The following VPS35L variants were observed in gnomAD, a reference collection of about 807,000 sequenced individuals.
The protein encoded by VPS35L is VPS35 endosomal protein-sorting factor-like.
Under a neutral mutation model 133.0 loss-of-function variants are expected in VPS35L, and 83 were observed. The observed-to-expected ratio is 0.62, with a 90% confidence interval of 0.52 to 0.75. VPS35L has a LOEUF of 0.75. VPS35L is among the 30% of genes least tolerant of loss of function. The probability of loss-of-function intolerance (pLI) is 0.00; values close to 1 mark genes in which losing one functional copy is unlikely to be tolerated. For missense variants in VPS35L, 1,083 were observed against 1,206.8 expected (o/e 0.90, Z 1.52); for synonymous variants, 423 against 449.9 (o/e 0.94, Z 0.76).
chr16:19,682,731 G>A (rs1975331945), intron 28 of VPS35L, among the ~76,000 whole-genome samples: 1 of 152,110 alleles, frequency 6.6e-6, no homozygotes, highest in Non-Finnish European at 1.5e-5. Flanking sequence ...GCCTGATGGT[G>A]CACCCCTGTA....
At chr16:19,661,753 G>C (rs2151597080) in intron 26 of VPS35L, among the ~76,000 whole-genome samples, 1 of 152,206 alleles carries the variant, frequency 6.6e-6, no homozygotes, top group Non-Finnish European at 1.5e-5. Flanking sequence ...CCTCAGCTTG[G>C]TGCTGTGCCT....
chr16:19,623,491 G>A (rs1481150231), intron 14 of VPS35L, among the ~76,000 whole-genome samples: 1 of 152,074 alleles, frequency 6.6e-6, no homozygotes, highest in African/African-American at 2.4e-5. Context: ...CTCCAACATA[G>A]CAATTTAGGG....
intron 18 of VPS35L, among the ~76,000 whole-genome samples, chr16:19,630,360 G>A (rs893931581): frequency 2.7e-4 from 36 of 135,762 alleles, no homozygotes; most frequent in Non-Finnish European, 4.5e-4. Flanking sequence ...TTGAGATGGA[G>A]TCTCGCTCTG....
rs1049801389 is a variant in VPS35L at position 19,579,293 on chromosome 16, T to C, written c.510+165T>C. ...TCCAGGGAAGGGTGCCAGTGTGCAG[T>C]TGGCCGAGCTCACGGAAGCCTGACT... On this transcript the variant is annotated intron_variant, in intron 6 of 30. Transcript: ENST00000417362. 18 of 614,556 alleles carry C rather than the reference T, an allele frequency of 2.9e-5. No homozygotes were observed. In the African/African-American group the frequency reaches 3.1e-4, roughly 11 times the overall value. The allele number at this position is 614,556 out of a possible 1,614,324, so 38.1% of individuals were successfully genotyped here.
chr16:19,679,508 TTTATTTA>T (rs1567481521), intron 27 of VPS35L, among the ~76,000 whole-genome samples: 1 of 121,698 alleles, frequency 8.2e-6, no homozygotes, highest in Non-Finnish European at 1.6e-5. Context: ...TATTTATTTA[TTTATTTA>T]TTTTTTTGGA....
intron 9 of VPS35L, among the ~76,000 whole-genome samples, chr16:19,604,271 A>G (rs1972477712): frequency 6.6e-6 from 1 of 152,068 alleles, no homozygotes; most frequent in South Asian, 2.1e-4. Context: ...ATTTGCCTCT[A>G]CTGCAATAAT....
chr16:19,666,154 C>A (rs1368093198), intron 26 of VPS35L, among the ~76,000 whole-genome samples: 1 of 151,816 alleles, frequency 6.6e-6, no homozygotes, highest in African/African-American at 2.4e-5. Context: ...TTGATTGTTT[C>A]CTTTGCTGTG....
chr16:19,658,444 C>T (rs979671851), intron 26 of VPS35L, among the ~76,000 whole-genome samples: 4 of 152,078 alleles, frequency 2.6e-5, no homozygotes, highest in Admixed American at 6.5e-5. Flanking sequence ...GCAGGAGAAT[C>T]GCTTGAGCCT....
intron 16 of VPS35L, 73 bp downstream of exon 16, chr16:19,627,878 C>T (rs3213424): frequency 2.8e-5 from 35 of 1,255,444 alleles, no homozygotes; most frequent in East Asian, 4.7e-5. Context: ...AGAGACAGTC[C>T]GGTTTTGGGA....
intron 19 of VPS35L, among the ~76,000 whole-genome samples, chr16:19,637,364 G>A (rs1050613387): frequency 1.3e-5 from 2 of 152,094 alleles, no homozygotes; most frequent in Admixed American, 1.3e-4. Context: ...TATGAAGTAG[G>A]ATGTACAGAG....
rs979146661 is a variant in VPS35L at position 19,699,809 on chromosome 16, C to T, written c.2793+161C>T. ...TGGATCACTTCCTAGCAGTAAAAAG[C>T]AGAGCTGGCCAGGTGTGGCAGCTCA... On this transcript the variant is annotated intron_variant, in intron 30 of 30. Coordinates refer to ENST00000417362, the MANE Select transcript of VPS35L (RefSeq NM_020314.7). This position sits in a 1 kb window ranked among gnomAD's most constrained non-coding sequence, Gnocchi z 4.2. Among the ~76,000 whole-genome samples the T allele has an allele frequency of 6.6e-6, 1 of 152,176 alleles. No individual in the cohort carries two copies. Among genetic ancestry groups the T allele is most frequent in the Non-Finnish European group, 1.5e-5 (1 of 68,038 alleles).
Position 19,579,129 on chromosome 16 carries a change from G to A in VPS35L, c.510+1G>A, listed in dbSNP as rs938221430. 2 of 1,613,508 alleles carry A rather than the reference G, an allele frequency of 1.2e-6. No homozygotes were observed. Among genetic ancestry groups the A allele is most frequent in the African/African-American group, 1.3e-5 (1 of 74,928 alleles). On this transcript the variant is annotated splice_donor_variant, in intron 6 of 30. Transcript: ENST00000417362. LOFTEE classifies it high-confidence loss of function. ...GGAGGAGCTGGATGACTTTGAGGAG[G>A]TGAGCAAGTCATTTGTGGAATACAG... is the stretch of plus-strand genomic sequence containing the variant.
chr16:19,679,135 G>A (rs1200929769), intron 27 of VPS35L, among the ~76,000 whole-genome samples: 1 of 150,786 alleles, frequency 6.6e-6, no homozygotes, highest in South Asian at 2.1e-4. Context: ...AAAGAAGGCT[G>A]GGGGGGCGGG....
intron 27 of VPS35L, among the ~76,000 whole-genome samples, chr16:19,674,671 G>C (rs1475619394): frequency 6.6e-6 from 1 of 152,080 alleles, no homozygotes; most frequent in Non-Finnish European, 1.5e-5. Context: ...CAGATCTCTA[G>C]AGCTTATTCA....
At chr16:19,587,312 A>C (rs976198870) in intron 7 of VPS35L, 1 of 452,038 alleles carries the variant, frequency 2.2e-6, no homozygotes, top group Non-Finnish European at 4.4e-6. Context: ...TTCTCTACTG[A>C]GATCTTGGCA....
rs772675601 is a variant in VPS35L, at chr16:19,628,625, C to T, written c.1384-12C>T. 1.4e-6 allele frequency: 2 copies of T among 1,432,930 alleles called. No individual in the cohort carries two copies. Among genetic ancestry groups the T allele is most frequent in the South Asian group, 1.2e-5 (1 of 82,768 alleles). 88.8% of individuals were successfully genotyped at this position (1,432,930 alleles called of 1,614,324 possible). A position where few individuals can be genotyped will look rare whatever the true frequency, so the allele number is the denominator to read the frequency against. On this transcript the variant is annotated splice_polypyrimidine_tract_variant and intron_variant, in intron 16 of 30. Transcript: ENST00000417362. ...AAATTTCCATAACATGATGGTTTGA[C>T]ATGTTTCTTAGCATCTTCTTTTTCG...
intron 1 of VPS35L, among the ~76,000 whole-genome samples, chr16:19,555,985 G>T (rs1395531817): frequency 3.3e-5 from 5 of 152,162 alleles, no homozygotes; most frequent in Admixed American, 1.3e-4. Flanking sequence ...CCTTCCACGG[G>T]CCCCTGTCCA....
intron 14 of VPS35L, among the ~76,000 whole-genome samples, chr16:19,623,158 C>T (rs1399959129): frequency 6.6e-6 from 1 of 152,178 alleles, no homozygotes; most frequent in Non-Finnish European, 1.5e-5. Context: ...GAACGAGAGC[C>T]ACTGTGATTG....
chr16:19,591,751 A>T lies in VPS35L; in HGVS notation c.640-39A>T, dbSNP rs371747167. On this transcript the variant is annotated intron_variant, in intron 7 of 30. Coordinates refer to ENST00000417362, the MANE Select transcript of VPS35L (RefSeq NM_020314.7). ...CTGGAGTGTCCTACCCATACCAGAC[A>T]TGCCAGAGTGAATTTTCTCTTTTTT... 1.6e-5 allele frequency: 24 copies of T among 1,483,378 alleles called. No individual in the cohort carries two copies. In the African/African-American group the frequency reaches 2.4e-4, roughly 15 times the overall value. 91.9% of individuals were successfully genotyped at this position (1,483,378 alleles called of 1,614,324 possible).
Sources: allele counts gnomAD v4.1 joint callset (sites outside exome capture counted in the v4.1 genomes callset), GRCh38; gene constraint gnomAD v4.1.1; non-coding constraint Gnocchi (gnomAD v3.1); transcripts MANE v1.5; gene names NCBI Gene and HGNC (gene_info 2026-07-23, HGNC 2026-07-21).